TAOK1: variants seen among roughly 807,000 people sequenced by gnomAD.
The protein encoded by TAOK1 is TAO kinase 1.
A neutral mutation model predicts 138.3 loss-of-function variants in TAOK1; 21 were observed. The observed-to-expected ratio is 0.15, with a 90% CI of 0.11 to 0.22. The LOEUF (loss-of-function observed/expected upper bound fraction) is 0.22. Among genes scored for constraint, TAOK1 ranks in the 10% least tolerant of loss-of-function variants. The pLI is 1.00. For synonymous variants in TAOK1, 361 were observed against 398.4 expected, an observed-to-expected ratio of 0.91 and a Z score of 1.12; for missense variants, 651 against 1,227.7, an observed-to-expected ratio of 0.53 and a Z score of 7.02.
At chr17:29,458,647 C>T (rs543605823) in intron 2 of TAOK1, among the ~76,000 whole-genome samples, 125 of 152,110 alleles carry the variant, frequency 8.2e-4, no homozygotes, top group African/African-American at 2.9e-3. Context: ...CAGACATGCG[C>T]CACCACACCT....
In TAOK1 at chr17:29,451,508, C is replaced by T. The variant is rs773200483; in HGVS notation, c.-41C>T. ...ACAGATGAACCAAGGATCGGGATAGCAGTATAAAATTAGAATCAAGACAGC... is the reference window on the plus strand; with the variant it reads ...ACAGATGAACCAAGGATCGGGATAGTAGTATAAAATTAGAATCAAGACAGC... On this transcript the variant is annotated 5_prime_UTR_variant, in exon 2 of 20. Transcript: ENST00000261716. 6.3e-7 allele frequency: 1 copy of T among 1,578,530 alleles called. No individual in the cohort carries two copies. Among genetic ancestry groups the T allele is most frequent in the South Asian group, 1.2e-5 (1 of 86,472 alleles).
intron 1 of TAOK1, among the ~76,000 whole-genome samples, chr17:29,442,321 C>T (rs2029964267): frequency 6.6e-6 from 1 of 151,852 alleles, no homozygotes; most frequent in South Asian, 2.1e-4. Flanking sequence ...GCTGGGATTA[C>T]AGACCTCACC....
intron 2 of TAOK1, among the ~76,000 whole-genome samples, chr17:29,452,508 T>TA (rs1219397892): frequency 2.6e-5 from 4 of 152,254 alleles, no homozygotes; most frequent in African/African-American, 7.2e-5. Context: ...GCGTGTGAAT[T>TA]AAAAAAACTT....
intron 10 of TAOK1, 48 bp from the exon 11 acceptor site, chr17:29,495,512 G>A: frequency 1.3e-6 from 2 of 1,493,516 alleles, no homozygotes; most frequent in Non-Finnish European, 1.8e-6. Flanking sequence ...GGAGTACCTT[G>A]TCACTAATTG....
At chr17:29,409,565 C>T (rs1905092039) in intron 1 of TAOK1, among the ~76,000 whole-genome samples, 1 of 151,380 alleles carries the variant, frequency 6.6e-6, no homozygotes. Context: ...GATTTCCTGA[C>T]CTTGTGATCC....
At chr17:29,456,391 C>G (rs1389956518) in intron 2 of TAOK1, among the ~76,000 whole-genome samples, 1 of 150,142 alleles carries the variant, frequency 6.7e-6, no homozygotes, top group Non-Finnish European at 1.5e-5. Flanking sequence ...CCTAGGGAAG[C>G]CATTTGGTTC....
intron 4 of TAOK1, among the ~76,000 whole-genome samples, 177 bp from the exon 5 acceptor site, chr17:29,477,483 AT>A (rs1208131620): frequency 6.6e-6 from 1 of 151,730 alleles, no homozygotes; most frequent in African/African-American, 2.4e-5. Flanking sequence ...TTATTAAAAA[AT>A]TTTAAAAATA....
In TAOK1 at chr17:29,548,453, T is replaced by C. The variant is rs1016989336; in HGVS notation, c.*5431T>C. ...CTGTGTGATTGTATTGTTTTGTTTC[T>C]AAATATACAAGGAATTCTTTAAATA... is the stretch of plus-strand genomic sequence containing the variant. On this transcript the variant is annotated 3_prime_UTR_variant, in exon 20 of 20. Transcript: ENST00000261716. 6.6e-6 allele frequency: 1 copy of C among 152,084 alleles called. No homozygotes were observed. The highest frequency in any genetic ancestry group is 2.4e-5 in the African/African-American group (1 of 41,410). The allele number at this position is 152,084 out of a possible 1,614,324, so 9.4% of individuals were successfully genotyped here. A position where few individuals can be genotyped will look rare whatever the true frequency, so the allele number is the denominator to read the frequency against.
chr17:29,463,807 A>G (rs1188054209), intron 2 of TAOK1, among the ~76,000 whole-genome samples: 1 of 152,200 alleles, frequency 6.6e-6, no homozygotes, highest in African/African-American at 2.4e-5. Flanking sequence ...AATATTTGCA[A>G]ATGATATATC....
chr17:29,521,742 C>T (rs561741672), intron 16 of TAOK1, among the ~76,000 whole-genome samples: 1 of 152,348 alleles, frequency 6.6e-6, no homozygotes, highest in South Asian at 2.1e-4. Context: ...GCCACAACGC[C>T]TGGCTAATTT....
At chr17:29,466,103 T>C (rs1030885959) in intron 2 of TAOK1, among the ~76,000 whole-genome samples, 4 of 152,134 alleles carry the variant, frequency 2.6e-5, no homozygotes, top group African/African-American at 9.7e-5. Context: ...TTTTAAAAGA[T>C]GTGGTGAATT....
chr17:29,427,527 CAAAAAAA>C (rs1255682171), intron 1 of TAOK1, among the ~76,000 whole-genome samples: 7 of 64,194 alleles, frequency 1.1e-4, no homozygotes, highest in Admixed American at 3.3e-4. Context: ...AACTCCGTCT[CAAAAAAA>C]AAAAAAAAAA....
intron 3 of TAOK1, among the ~76,000 whole-genome samples, chr17:29,472,991 A>C (rs983476700): frequency 8.5e-5 from 13 of 152,216 alleles, no homozygotes; most frequent in African/African-American, 3.1e-4. Flanking sequence ...TTATATCTCT[A>C]TCAGAGTTCT....
chr17:29,439,104 C>T (rs142769477), intron 1 of TAOK1, among the ~76,000 whole-genome samples: 1 of 151,712 alleles, frequency 6.6e-6, no homozygotes, highest in East Asian at 1.9e-4. Flanking sequence ...CTGCTAAGCA[C>T]AATATAATTG....
intron 6 of TAOK1, 120 bp downstream of exon 6, chr17:29,478,467 AT>A: frequency 1.0e-5 from 6 of 585,014 alleles, no homozygotes; most frequent in Non-Finnish European, 1.4e-5. Flanking sequence ...ATAAGCTCAT[AT>A]TTTTTTAGAT....
chr17:29,517,135 C>T (rs1293548693), intron 15 of TAOK1, among the ~76,000 whole-genome samples: 4 of 152,052 alleles, frequency 2.6e-5, no homozygotes, highest in Admixed American at 6.6e-5. Flanking sequence ...TACGGGCACC[C>T]GCCACCATGC....
intron 16 of TAOK1, among the ~76,000 whole-genome samples, chr17:29,518,750 C>CTTTTAT (rs11271070): frequency 0.016 from 2,404 of 150,476 alleles, 61 homozygotes; most frequent in African/African-American, 0.053. Flanking sequence ...TTTATTTTTA[C>CTTTTAT]TTTATCTATT....
chr17:29,502,244 G>GAAC (rs1299309450), intron 12 of TAOK1, among the ~76,000 whole-genome samples: 2 of 152,210 alleles, frequency 1.3e-5, no homozygotes, highest in Admixed American at 6.5e-5. Flanking sequence ...GACCAGCCTA[G>GAAC]TCAACATAGG....
chr17:29,405,766 G>C (rs184193985), intron 1 of TAOK1, among the ~76,000 whole-genome samples: 3 of 152,172 alleles, frequency 2.0e-5, no homozygotes, highest in Admixed American at 1.3e-4. Context: ...GAGACAGAGT[G>C]AGACTCCATC....
Sources: allele counts gnomAD v4.1 joint callset (sites outside exome capture counted in the v4.1 genomes callset), GRCh38; gene constraint gnomAD v4.1.1; transcripts MANE v1.5; gene names NCBI Gene and HGNC (gene_info 2026-07-23, HGNC 2026-07-21).